Variants in IMMP2L observed in about 807,000 individuals in gnomAD.
IMMP2L encodes the protein inner mitochondrial membrane peptidase subunit 2, also known as mitochondrial inner membrane protease subunit 2.
A neutral mutation model predicts 19.3 loss-of-function variants in IMMP2L; 18 were observed. The ratio of observed to expected loss-of-function variants is 0.93; its 90% CI spans 0.64 to 1.38. The LOEUF (loss-of-function observed/expected upper bound fraction) is 1.38. Ranked by LOEUF, IMMP2L falls within the 40% of genes most tolerant of loss-of-function variation. IMMP2L has a pLI of 0.00. For missense variants in IMMP2L, 233 were observed against 218.2 expected (o/e 1.07, Z -0.43); for synonymous variants, 76 against 73.0 (o/e 1.04, Z -0.21).
chr7:110,675,142 C>G (rs117842920), intron 5 of IMMP2L, among the ~76,000 whole-genome samples: 1,549 of 152,264 alleles, frequency 0.01, 11 homozygotes, highest in African/African-American at 0.025. Context: ...CAGAGGATTA[C>G]ACAGCTATCA....
At chr7:111,227,079 G>A (rs1446843336) in intron 3 of IMMP2L, among the ~76,000 whole-genome samples, 1 of 152,042 alleles carries the variant, frequency 6.6e-6, no homozygotes, top group East Asian at 1.9e-4. Context: ...AATTGCTCAG[G>A]TGAATAAGAA....
intron 3 of IMMP2L, among the ~76,000 whole-genome samples, chr7:111,104,714 G>A (rs1465474451): frequency 1.3e-5 from 2 of 151,740 alleles, no homozygotes; most frequent in Admixed American, 6.6e-5. Context: ...TGAAGGACTT[G>A]TCACAAGCGA....
chr7:111,277,023 T>C (rs189567717), intron 3 of IMMP2L, among the ~76,000 whole-genome samples: 231 of 152,042 alleles, frequency 1.5e-3, no homozygotes, highest in Non-Finnish European at 2.9e-3. Flanking sequence ...AGAAGAAAAC[T>C]TGGGAAAAAC....
At chr7:110,744,226 A>G (rs1290513419) in intron 5 of IMMP2L, among the ~76,000 whole-genome samples, 1 of 152,176 alleles carries the variant, frequency 6.6e-6, no homozygotes, top group East Asian at 1.9e-4. Flanking sequence ...GGAATCTCTG[A>G]AAAAAAGGCA....
At chr7:110,801,889 T>A (rs1171071804) in intron 5 of IMMP2L, among the ~76,000 whole-genome samples, 2 of 152,108 alleles carry the variant, frequency 1.3e-5, no homozygotes, top group Non-Finnish European at 2.9e-5. Flanking sequence ...ATCTCTGTGC[T>A]GACAGCTATG....
At chr7:110,952,771 C>G (rs1563107197) in intron 4 of IMMP2L, among the ~76,000 whole-genome samples, 1 of 152,012 alleles carries the variant, frequency 6.6e-6, no homozygotes, top group African/African-American at 2.4e-5. Context: ...GTTATTTTAG[C>G]CCATGGACTA....
intron 3 of IMMP2L, among the ~76,000 whole-genome samples, chr7:111,177,441 A>G (rs1370408039): frequency 6.6e-6 from 1 of 152,070 alleles, no homozygotes; most frequent in Non-Finnish European, 1.5e-5. Context: ...TCAGGCTCCA[A>G]AAGTGTTATG....
chr7:110,684,344 T>C (rs1242111811), intron 5 of IMMP2L, among the ~76,000 whole-genome samples: 3 of 152,072 alleles, frequency 2.0e-5, no homozygotes, highest in African/African-American at 7.2e-5. Flanking sequence ...TTGATCATTT[T>C]AATGGTAGCC....
chr7:110,839,377 T>C (rs944623141), intron 5 of IMMP2L, among the ~76,000 whole-genome samples: 1 of 152,136 alleles, frequency 6.6e-6, no homozygotes, highest in Non-Finnish European at 1.5e-5. Flanking sequence ...AAAAGGCTAA[T>C]TCATTTTCAA....
chr7:111,192,011 A>C (rs967963589), intron 3 of IMMP2L, among the ~76,000 whole-genome samples: 1 of 152,060 alleles, frequency 6.6e-6, no homozygotes, highest in Non-Finnish European at 1.5e-5. Context: ...AAAGGTAATG[A>C]GAGCAAACAG....
chr7:110,932,740 C>T (rs974785451), intron 4 of IMMP2L, among the ~76,000 whole-genome samples: 7 of 152,178 alleles, frequency 4.6e-5, no homozygotes, highest in Admixed American at 2.0e-4. Flanking sequence ...AAATATGTCA[C>T]CTACATTTTC....
intron 3 of IMMP2L, among the ~76,000 whole-genome samples, chr7:111,127,337 G>A (rs530847891): frequency 1.3e-5 from 2 of 152,258 alleles, no homozygotes; most frequent in East Asian, 3.9e-4. Flanking sequence ...TACCTTGTAT[G>A]TTTCTTTGAA....
chr7:111,128,842 T>C (rs1801572912), intron 3 of IMMP2L, among the ~76,000 whole-genome samples: 1 of 152,162 alleles, frequency 6.6e-6, no homozygotes. Context: ...GAGGCATATT[T>C]AGTTACCATA....
At chr7:110,665,988 A>G (rs1004600218) in intron 5 of IMMP2L, among the ~76,000 whole-genome samples, 4 of 150,342 alleles carry the variant, frequency 2.7e-5, no homozygotes, top group Admixed American at 1.3e-4. Flanking sequence ...TTGTTCTCTT[A>G]AAAAAAAAGT....
rs528496547 is a variant in IMMP2L, at chr7:110,867,139, T to A, written c.408+19454A>T. On this transcript the variant is annotated intron_variant, in intron 5 of 5. Coordinates refer to ENST00000405709, the MANE Select transcript of IMMP2L (RefSeq NM_032549.4). ...GACTGGGTGACTTAAACAACAGAAA[T>A]TCATTTTCTCACAGTTCTGAATGCT... is the stretch of plus-strand genomic sequence containing the variant. Among the ~76,000 whole-genome samples the A allele has an allele frequency of 2.3e-4, 35 of 151,980 alleles. 1 individual carries two copies. Among genetic ancestry groups the A allele is most frequent in the African/African-American group, 8.4e-4 (35 of 41,486 alleles).
At chr7:111,270,568 A>C (rs573556785) in intron 3 of IMMP2L, among the ~76,000 whole-genome samples, 1 of 152,278 alleles carries the variant, frequency 6.6e-6, no homozygotes, top group South Asian at 2.1e-4. Context: ...GAAGAGAAGA[A>C]ACTTTATGCT....
chr7:110,966,433 C>A (rs906139959), intron 3 of IMMP2L, among the ~76,000 whole-genome samples: 3 of 151,804 alleles, frequency 2.0e-5, no homozygotes, highest in African/African-American at 7.3e-5. Context: ...AAGTTTACTG[C>A]CTAATATTGA....
Position 111,123,978 on chromosome 7 carries a change from C to G in IMMP2L, c.240-160413G>C, listed in dbSNP as rs1800972267. ...TGTTTTGCGTGGACCCACCTGAATT[C>G]CAAGGTCAGAATGTTCGGCAAGTGC... On this transcript the variant is annotated intron_variant, in intron 3 of 5. Transcript: ENST00000405709. The surrounding 1 kb of genome is among the most constrained non-coding windows in gnomAD (Gnocchi z 6.4). The G allele has an allele frequency of 6.2e-7, 1 of 1,613,852 alleles. No individual in the cohort carries two copies. The highest frequency in any genetic ancestry group is 8.5e-7 in the Non-Finnish European group (1 of 1,179,976).
chr7:110,943,439 T>C (rs1816931647), intron 4 of IMMP2L, among the ~76,000 whole-genome samples: 1 of 152,026 alleles, frequency 6.6e-6, no homozygotes, highest in South Asian at 2.1e-4. Context: ...GGTGAGTACA[T>C]GCCCACCCTG....
Sources: gnomAD v4.1 joint callset for allele counts (sites outside exome capture counted in the v4.1 genomes callset) on GRCh38, gnomAD v4.1.1 for gene constraint, Gnocchi (gnomAD v3.1) non-coding constraint, MANE v1.5 for transcripts, NCBI Gene and HGNC (gene_info 2026-07-23, HGNC 2026-07-21) for gene names.